The following TRAPPC8 variants were observed in gnomAD, a reference collection of about 807,000 sequenced individuals.
TRAPPC8 encodes trafficking protein particle complex subunit 8, also known as general sporulation gene 1 homolog.
TRAPPC8 carries 54 observed loss-of-function variants against 174.3 expected under a neutral mutation model. That is an observed-to-expected ratio of 0.31 (90% CI 0.25 to 0.39). TRAPPC8 has a LOEUF of 0.39. Among genes scored for constraint, TRAPPC8 ranks in the 10% least tolerant of loss-of-function variants. TRAPPC8 has a pLI of 1.00. For missense variants in TRAPPC8, 1,531 were observed against 1,699.1 expected, an observed-to-expected ratio of 0.90 and a Z score of 1.74; for synonymous variants, 630 against 579.9, an observed-to-expected ratio of 1.09 and a Z score of -1.24.
At chr18:31,846,951 A>C in intron 25 of TRAPPC8, 134 bp from the exon 26 acceptor site, 1 of 514,920 alleles carries the variant, frequency 1.9e-6, no homozygotes, top group East Asian at 2.9e-5. Flanking sequence ...CAATGTCACC[A>C]TTTCTACTTT....
Position 31,830,912 on chromosome 18 carries a change from T to A in TRAPPC8, c.4151A>T (p.Glu1384Val). 6.2e-7 allele frequency: 1 copy of A among 1,614,254 alleles called. No individual in the cohort carries two copies. The highest frequency in any genetic ancestry group is 8.5e-7 in the Non-Finnish European group (1 of 1,180,044). The stretch of plus-strand genomic sequence containing the variant: ...TGCTTTCAGCTGCAGACTGTGAATC[T>A]CCTGGCTTTTAAGTTGAAGTTTATA... The part of the protein sequence containing the change: ...TQYKLQLKSQ[E>V]IHSLQLKACF... The change falls in exon 29 of 29, where the codon GAG (glutamate) becomes GTG (valine). Residue 1384 changes from glutamate (E) to valine (V), a missense_variant. Physicochemically the swap from Glu to Val is moderately radical, Grantham distance 121. Coordinates refer to ENST00000283351, the MANE Select transcript of TRAPPC8 (RefSeq NM_014939.5).
chr18:31,837,108 T>C (rs1382352739), intron 27 of TRAPPC8, among the ~76,000 whole-genome samples: 2 of 151,986 alleles, frequency 1.3e-5, no homozygotes, highest in Non-Finnish European at 2.9e-5. Flanking sequence ...CCTGCATACA[T>C]CTGTATCAGA....
At chr18:31,921,610 C>A (rs1271998692) in intron 2 of TRAPPC8, among the ~76,000 whole-genome samples, 1 of 146,280 alleles carries the variant, frequency 6.8e-6, no homozygotes, top group Admixed American at 6.8e-5. Flanking sequence ...CAGAGCGAGA[C>A]TCCGTCTCAA....
At chr18:31,881,480 G>A (rs2035449962) in intron 12 of TRAPPC8, among the ~76,000 whole-genome samples, 1 of 152,026 alleles carries the variant, frequency 6.6e-6, no homozygotes. Flanking sequence ...ATCACCATAT[G>A]CAAAAAATTA....
chr18:31,923,015 T>TCAAAA (rs1002665470), intron 2 of TRAPPC8, among the ~76,000 whole-genome samples: 3 of 152,108 alleles, frequency 2.0e-5, no homozygotes, highest in East Asian at 1.9e-4. Flanking sequence ...AGACCCTGCC[T>TCAAAA]CAAAACAAAA....
At chr18:31,841,864 G>C (rs551300154) in intron 26 of TRAPPC8, among the ~76,000 whole-genome samples, 1 of 152,204 alleles carries the variant, frequency 6.6e-6, no homozygotes, top group African/African-American at 2.4e-5. Flanking sequence ...TTCTCTAGCT[G>C]AATGTTTTTA....
chr18:31,920,124 C>A (rs1400912970), intron 2 of TRAPPC8, among the ~76,000 whole-genome samples: 1 of 152,080 alleles, frequency 6.6e-6, no homozygotes, highest in Non-Finnish European at 1.5e-5. Flanking sequence ...AAGGGATCTC[C>A]ACATATACAA....
intron 10 of TRAPPC8, among the ~76,000 whole-genome samples, chr18:31,900,490 T>A (rs994306690): frequency 6.6e-6 from 1 of 152,196 alleles, no homozygotes; most frequent in Non-Finnish European, 1.5e-5. Context: ...AAATATCCCA[T>A]GAAATCTCCC....
At chr18:31,835,284 A>G (rs1236501923) in intron 27 of TRAPPC8, among the ~76,000 whole-genome samples, 2 of 152,104 alleles carry the variant, frequency 1.3e-5, no homozygotes, top group Non-Finnish European at 2.9e-5. Context: ...AGAGGCATAC[A>G]CCTAGTAAGA....
chr18:31,885,706 A>G (rs1278544283), intron 12 of TRAPPC8, among the ~76,000 whole-genome samples: 2 of 151,360 alleles, frequency 1.3e-5, no homozygotes, highest in African/African-American at 4.9e-5. Flanking sequence ...TAAAAATACA[A>G]AAAAAAATTA....
Position 31,900,968 on chromosome 18 carries a change from G to A in TRAPPC8, c.1447C>T (p.His483Tyr). The A allele has an allele frequency of 3.1e-6, 5 of 1,594,572 alleles. No individual in the cohort carries two copies. Among genetic ancestry groups the A allele is most frequent in the Non-Finnish European group, 4.3e-6 (5 of 1,174,744 alleles). ...GTCTGAATTGCTGTATCCATGTAAT[G>A]AGCAGGATATGGCCTAGGTGCTCCT... ...QPGAPRPYPAHYMDTAIQTYR... is the reference protein window; with the variant it reads ...QPGAPRPYPAYYMDTAIQTYR... Residue 483 changes from histidine to tyrosine, a missense_variant, in exon 10 of 29, where the codon CAT (histidine) becomes TAT (tyrosine). By Grantham distance (83) the His-to-Tyr change is moderately conservative. Coordinates refer to ENST00000283351, the MANE Select transcript of TRAPPC8 (RefSeq NM_014939.5).
chr18:31,877,354 T>C (rs1803558836), intron 12 of TRAPPC8, among the ~76,000 whole-genome samples: 1 of 152,106 alleles, frequency 6.6e-6, no homozygotes, highest in Non-Finnish European at 1.5e-5. Context: ...GGCTCACACC[T>C]GTAATCCCAG....
chr18:31,855,191 GA>G (rs1208558720), intron 21 of TRAPPC8, among the ~76,000 whole-genome samples: 1 of 148,596 alleles, frequency 6.7e-6, no homozygotes, highest in Admixed American at 6.7e-5. Flanking sequence ...AAAGAAAAAA[GA>G]AAAAAAAATG....
intron 12 of TRAPPC8, among the ~76,000 whole-genome samples, chr18:31,879,627 T>C (rs1379266131): frequency 6.6e-6 from 1 of 152,076 alleles, no homozygotes; most frequent in East Asian, 1.9e-4. Context: ...CAGATCTTTA[T>C]TCTTTAAATG....
At chr18:31,871,920 T>C (rs1235984582) in intron 14 of TRAPPC8, among the ~76,000 whole-genome samples, 3 of 152,148 alleles carry the variant, frequency 2.0e-5, no homozygotes, top group African/African-American at 4.8e-5. Context: ...AATATAAGAA[T>C]GTTTAGAATG....
chr18:31,888,779 G>C (rs1317849861), intron 12 of TRAPPC8, among the ~76,000 whole-genome samples: 1 of 152,190 alleles, frequency 6.6e-6, no homozygotes, highest in African/African-American at 2.4e-5. Context: ...GTGGGAGAGG[G>C]AAAGCATCAG....
chr18:31,924,156 G>A (rs1391165647), intron 2 of TRAPPC8, among the ~76,000 whole-genome samples: 2 of 151,716 alleles, frequency 1.3e-5, no homozygotes, highest in Admixed American at 1.3e-4. Context: ...GTGGTGGCGG[G>A]TGCCTGTAAT....
intron 19 of TRAPPC8, 77 bp from the exon 20 acceptor site, chr18:31,858,059 T>C (rs1358209411): frequency 1.0e-3 from 242 of 234,246 alleles, no homozygotes; most frequent in Non-Finnish European, 1.2e-3. Flanking sequence ...TTTAAGACAC[T>C]TTTTTTTTTT....
chr18:31,863,725 A>G (rs1269989187), intron 19 of TRAPPC8, among the ~76,000 whole-genome samples: 1 of 152,114 alleles, frequency 6.6e-6, no homozygotes, highest in Non-Finnish European at 1.5e-5. Flanking sequence ...AGGATGTGGG[A>G]GGAAGGGCCT....
Sources: gnomAD v4.1 joint callset for allele counts (sites outside exome capture counted in the v4.1 genomes callset) on GRCh38, gnomAD v4.1.1 for gene constraint, MANE v1.5 for transcripts, NCBI Gene and HGNC (gene_info 2026-07-23, HGNC 2026-07-21) for gene names.